MACROD2: variants seen among roughly 807,000 people sequenced by gnomAD.
MACROD2 encodes the protein ADP-ribose glycohydrolase MACROD2.
In MACROD2, 36 loss-of-function variants were observed where a neutral mutation model predicts 70.4. That is an observed-to-expected ratio of 0.51 (90% confidence interval 0.39 to 0.68). The LOEUF is 0.68. MACROD2 is among the 30% of genes least tolerant of loss of function. The pLI is 0.00. For missense variants in MACROD2, 496 were observed against 538.4 expected (o/e 0.92, Z 0.78); for synonymous variants, 172 against 178.8 (o/e 0.96, Z 0.30).
chr20:14,272,182 A>C (rs1318930939), intron 3 of MACROD2, among the ~76,000 whole-genome samples: 6 of 152,128 alleles, frequency 3.9e-5, no homozygotes, highest in Admixed American at 6.5e-5. Context: ...AACTCCAAGA[A>C]ACATAATTGT....
At chr20:15,163,465 A>G (rs1047635471) in intron 5 of MACROD2, among the ~76,000 whole-genome samples, 3 of 152,106 alleles carry the variant, frequency 2.0e-5, no homozygotes, top group African/African-American at 7.2e-5. Flanking sequence ...ACTAATTAAG[A>G]GGTAAATCTA....
At chr20:14,337,726 A>T (rs978608672) in intron 3 of MACROD2, 3 of 391,220 alleles carry the variant, frequency 7.7e-6, no homozygotes, top group Non-Finnish European at 1.4e-5. Context: ...AGGTAACTGG[A>T]TAATCAGACA....
intron 5 of MACROD2, among the ~76,000 whole-genome samples, chr20:14,879,229 C>G (rs1293846966): frequency 6.6e-6 from 1 of 151,976 alleles, no homozygotes; most frequent in African/African-American, 2.4e-5. Context: ...CACTAACAAC[C>G]CATTCTGATT....
intron 6 of MACROD2, among the ~76,000 whole-genome samples, chr20:15,336,709 G>T (rs1200821929): frequency 6.6e-6 from 1 of 151,718 alleles, no homozygotes; most frequent in African/African-American, 2.4e-5. Context: ...GGCCTGCGGG[G>T]ACAGTTGTCA....
intron 3 of MACROD2, among the ~76,000 whole-genome samples, chr20:14,391,416 A>T (rs997801088): frequency 6.6e-5 from 10 of 152,190 alleles, no homozygotes; most frequent in Admixed American, 6.5e-4. Flanking sequence ...TGGGAACTAA[A>T]TGATGAGAAC....
chr20:15,155,867 A>C (rs748778728), intron 5 of MACROD2, among the ~76,000 whole-genome samples: 2 of 151,874 alleles, frequency 1.3e-5, no homozygotes, highest in African/African-American at 2.4e-5. Context: ...AAAAAAAAAC[A>C]TAAAATGACC....
intron 10 of MACROD2, among the ~76,000 whole-genome samples, chr20:15,901,426 C>T (rs2065062705): frequency 6.6e-6 from 1 of 152,154 alleles, no homozygotes; most frequent in South Asian, 2.1e-4. Context: ...ATGTGATAGT[C>T]TTTCATGATG....
At chr20:15,182,283 G>T (rs536850428) in intron 5 of MACROD2, among the ~76,000 whole-genome samples, 2 of 152,254 alleles carry the variant, frequency 1.3e-5, no homozygotes, top group South Asian at 4.1e-4. Context: ...AAATCAAATG[G>T]GTTGTTGGAG....
chr20:15,048,322 C>G (rs1181792902), intron 5 of MACROD2, among the ~76,000 whole-genome samples: 1 of 152,052 alleles, frequency 6.6e-6, no homozygotes, highest in Non-Finnish European at 1.5e-5. Flanking sequence ...TGGTTTGAAG[C>G]CACTGATATG....
intron 8 of MACROD2, among the ~76,000 whole-genome samples, chr20:15,847,700 A>G (rs1253525129): frequency 6.6e-6 from 1 of 152,176 alleles, no homozygotes; most frequent in Non-Finnish European, 1.5e-5. Context: ...CCATCATTCT[A>G]TTACCCTCTA....
chr20:15,231,919 A>G (rs546795357), intron 6 of MACROD2, among the ~76,000 whole-genome samples: 7 of 152,208 alleles, frequency 4.6e-5, no homozygotes, highest in African/African-American at 1.7e-4. Context: ...TAGTAAATAA[A>G]AATGGAGATA....
At chr20:15,695,834 T>C (rs1363209171) in intron 8 of MACROD2, among the ~76,000 whole-genome samples, 2 of 152,182 alleles carry the variant, frequency 1.3e-5, no homozygotes, top group Non-Finnish European at 2.9e-5. Flanking sequence ...CTTGATTTGA[T>C]TCTCCACTTG....
intron 6 of MACROD2, among the ~76,000 whole-genome samples, chr20:15,388,469 A>G (rs949317857): frequency 1.6e-4 from 24 of 152,198 alleles, no homozygotes; most frequent in Admixed American, 8.5e-4. Flanking sequence ...ATTACATACA[A>G]GATGCCCGGC....
intron 15 of MACROD2, among the ~76,000 whole-genome samples, chr20:16,028,175 G>T (rs998497274): frequency 6.6e-6 from 1 of 152,134 alleles, no homozygotes; most frequent in Non-Finnish European, 1.5e-5. Flanking sequence ...TGTCCTCAAA[G>T]ATTTTTCTTC....
chr20:14,759,193 A>G (rs204097), intron 5 of MACROD2, among the ~76,000 whole-genome samples: 11,507 of 152,186 alleles, frequency 0.076, 520 homozygotes, highest in Middle Eastern at 0.22. Flanking sequence ...TTGATATGCC[A>G]TTAGACGTAT....
At chr20:14,620,721 A>G (rs371605909) in intron 4 of MACROD2, among the ~76,000 whole-genome samples, 1 of 152,104 alleles carries the variant, frequency 6.6e-6, no homozygotes, top group African/African-American at 2.4e-5. Context: ...TCTGCTAGAC[A>G]GAAAACATAA....
chr20:14,186,892 C>T (rs2081349033), intron 3 of MACROD2, among the ~76,000 whole-genome samples: 1 of 152,008 alleles, frequency 6.6e-6, no homozygotes, highest in African/African-American at 2.4e-5. Context: ...AGGTGCTAAA[C>T]ATTATGTACA....
At chr20:15,770,461 T>C (rs935300104) in intron 8 of MACROD2, among the ~76,000 whole-genome samples, 2 of 152,090 alleles carry the variant, frequency 1.3e-5, no homozygotes, top group African/African-American at 4.8e-5. Context: ...TCCAGAAGAC[T>C]TTCCCATTTT....
At chr20:15,034,560 G>A (rs895116030) in intron 5 of MACROD2, among the ~76,000 whole-genome samples, 1 of 152,132 alleles carries the variant, frequency 6.6e-6, no homozygotes, top group Non-Finnish European at 1.5e-5. Context: ...AAGTTTAGAA[G>A]TGATTTATTA....
Sources: gnomAD v4.1 joint callset for allele counts (sites outside exome capture counted in the v4.1 genomes callset) on GRCh38, gnomAD v4.1.1 for gene constraint, MANE v1.5 for transcripts, NCBI Gene and HGNC (gene_info 2026-07-23, HGNC 2026-07-21) for gene names.